The following ZNF536 variants were observed in gnomAD, a reference collection of about 807,000 sequenced individuals.
ZNF536 encodes zinc finger protein 536.
ZNF536 carries 13 observed loss-of-function variants against 84.5 expected under a neutral mutation model. The ratio of observed to expected loss-of-function variants is 0.15; its 90% CI spans 0.10 to 0.24. The LOEUF is 0.24. Among genes scored for constraint, ZNF536 ranks in the 10% least tolerant of loss-of-function variants. The probability of loss-of-function intolerance (pLI) is 1.00; values close to 1 mark genes in which losing one functional copy is unlikely to be tolerated. For missense variants in ZNF536, 1,536 were observed against 1,747.5 expected (o/e 0.88, Z 2.16); for synonymous variants, 811 against 742.5 (o/e 1.09, Z -1.50).
chr19:30,453,347 G>T (rs2052696572), intron 2 of ZNF536, among the ~76,000 whole-genome samples: 2 of 152,158 alleles, frequency 1.3e-5, no homozygotes, highest in Admixed American at 1.3e-4. Context: ...TGTCTGTGGG[G>T]CCCTCGGTTC....
intron 1 of ZNF536, among the ~76,000 whole-genome samples, chr19:30,268,029 A>G (rs569547561): frequency 2.6e-5 from 3 of 115,154 alleles, no homozygotes; most frequent in African/African-American, 8.6e-5. Context: ...CTTTTCTTCC[A>G]TCTTCCTCCC....
chr19:30,402,823 A>ATATATAT (rs71171802), intron 1 of ZNF536, among the ~76,000 whole-genome samples: 17 of 138,314 alleles, frequency 1.2e-4, no homozygotes, highest in South Asian at 6.9e-4. Context: ...ATATATATAT[A>ATATATAT]ATTTTCAAAA....
At chr19:30,410,698 T>TA (rs1379438352) in intron 1 of ZNF536, among the ~76,000 whole-genome samples, 5 of 151,954 alleles carry the variant, frequency 3.3e-5, no homozygotes, top group Non-Finnish European at 7.4e-5. Flanking sequence ...CAGGATGGTC[T>TA]CGATCTCCTG....
intron 2 of ZNF536, among the ~76,000 whole-genome samples, chr19:30,323,604 T>G (rs1208076095): frequency 6.6e-6 from 1 of 152,168 alleles, no homozygotes; most frequent in Non-Finnish European, 1.5e-5. Context: ...TGCTTCATGA[T>G]GAATCAGATC....
intron 2 of ZNF536, among the ~76,000 whole-genome samples, chr19:30,524,343 AC>A (rs1400988631): frequency 1.3e-5 from 2 of 152,216 alleles, no homozygotes; most frequent in Non-Finnish European, 2.9e-5. Flanking sequence ...GTACTAGATG[AC>A]TTTTACAATA....
intron 1 of ZNF536, among the ~76,000 whole-genome samples, chr19:30,652,481 T>C (rs1251838406): frequency 6.6e-6 from 1 of 152,128 alleles, no homozygotes; most frequent in Non-Finnish European, 1.5e-5. Flanking sequence ...TATCGATAGA[T>C]GTGTCTCTGC....
intron 1 of ZNF536, among the ~76,000 whole-genome samples, chr19:30,647,479 T>C (rs993362847): frequency 6.6e-6 from 1 of 152,234 alleles, no homozygotes; most frequent in African/African-American, 2.4e-5. Context: ...CTCTAATTTC[T>C]TTCTCACCTG....
At chr19:30,295,612 A>C (rs1238800974) in intron 2 of ZNF536, among the ~76,000 whole-genome samples, 2 of 152,220 alleles carry the variant, frequency 1.3e-5, no homozygotes, top group East Asian at 3.8e-4. Flanking sequence ...GATATTCATG[A>C]AGCAGAAACC....
At chr19:30,533,036 T>C (rs2044913216) in intron 2 of ZNF536, among the ~76,000 whole-genome samples, 1 of 152,168 alleles carries the variant, frequency 6.6e-6, no homozygotes, top group Non-Finnish European at 1.5e-5. Context: ...AAAAAAAAGC[T>C]AGGTAATTAT....
intron 1 of ZNF536, among the ~76,000 whole-genome samples, chr19:30,606,337 G>T (rs1012570961): frequency 6.6e-6 from 1 of 150,382 alleles, no homozygotes; most frequent in Non-Finnish European, 1.5e-5. Context: ...TGCCTGCAAG[G>T]ACACACACAC....
At chr19:30,387,655 C>A (rs1371848138) in intron 1 of ZNF536, among the ~76,000 whole-genome samples, 1 of 152,172 alleles carries the variant, frequency 6.6e-6, no homozygotes, top group Non-Finnish European at 1.5e-5. Context: ...CAGAAAGGGA[C>A]ATTTGTTGCT....
intron 2 of ZNF536, among the ~76,000 whole-genome samples, chr19:30,465,074 G>T (rs757125906): frequency 3.9e-5 from 6 of 152,126 alleles, no homozygotes; most frequent in Non-Finnish European, 7.4e-5. Flanking sequence ...GAATCCCCCA[G>T]TGACTTCCCA....
intron 1 of ZNF536, among the ~76,000 whole-genome samples, chr19:30,237,997 C>T (rs556179798): frequency 7.9e-5 from 12 of 152,246 alleles, no homozygotes; most frequent in South Asian, 6.2e-4. Context: ...TTGTAAGCAG[C>T]GCATTTTGAT....
chr19:30,528,309 C>T (rs1016468166), intron 2 of ZNF536, among the ~76,000 whole-genome samples: 9 of 152,052 alleles, frequency 5.9e-5, no homozygotes, highest in East Asian at 1.9e-4. Flanking sequence ...TGGGATGAAG[C>T]GAGAACCAAG....
At chr19:30,583,478 C>T (rs924982176) in intron 1 of ZNF536, among the ~76,000 whole-genome samples, 3 of 152,166 alleles carry the variant, frequency 2.0e-5, no homozygotes, top group African/African-American at 4.8e-5. Context: ...AGGGCTTCCT[C>T]GGCAGCTGGA....
rs546571504 is a variant in ZNF536 at position 30,314,891 on chromosome 19, G to A, written c.-120+30750G>A. On this transcript the variant is annotated intron_variant, in intron 2 of 5. Transcript: ENST00000585628. ...TTCCTGAGCTCCTGCAGGGTACCCAGCCCCGATCCCCCACCCACTGGCCCC... is the reference window on the plus strand; with the variant it reads ...TTCCTGAGCTCCTGCAGGGTACCCAACCCCGATCCCCCACCCACTGGCCCC... Among the ~76,000 whole-genome samples the A allele has an allele frequency of 1.2e-4, 19 of 152,192 alleles. No homozygotes were observed. The East Asian group carries it at 3.3e-3, about 26-fold the overall frequency.
At chr19:30,678,904 C>A (rs2050860739) in intron 1 of ZNF536, among the ~76,000 whole-genome samples, 1 of 152,164 alleles carries the variant, frequency 6.6e-6, no homozygotes, top group South Asian at 2.1e-4. Flanking sequence ...ATAGTTCACT[C>A]CAGCCTGGGT....
chr19:30,342,240 T>C (rs2047586431), intron 2 of ZNF536, among the ~76,000 whole-genome samples: 1 of 152,252 alleles, frequency 6.6e-6, no homozygotes, highest in Non-Finnish European at 1.5e-5. Flanking sequence ...CATTGTTTGC[T>C]TTCGACACAC....
chr19:30,487,321 T>C (rs2054338673), intron 2 of ZNF536, among the ~76,000 whole-genome samples: 1 of 152,174 alleles, frequency 6.6e-6, no homozygotes, highest in South Asian at 2.1e-4. Context: ...GAGACAGAGC[T>C]CCTTGATGGA....
Sources: allele counts gnomAD v4.1 joint callset (sites outside exome capture counted in the v4.1 genomes callset), GRCh38; gene constraint gnomAD v4.1.1; transcripts MANE v1.5; gene names NCBI Gene and HGNC (gene_info 2026-07-23, HGNC 2026-07-21).